DELE1: variants seen among roughly 807,000 people sequenced by gnomAD.
DELE1 encodes death ligand signal enhancer.
In DELE1, 54 loss-of-function variants were observed where a neutral mutation model predicts 59.3. That is an observed-to-expected ratio of 0.91 (90% CI 0.73 to 1.14). The LOEUF is 1.14. DELE1 is among the 50% of genes most tolerant of loss of function. The pLI, the probability that DELE1 is intolerant of heterozygous loss-of-function variation, is 0.00. For missense variants in DELE1, 636 were observed against 643.9 expected (o/e 0.99, Z 0.13); for synonymous variants, 264 against 259.1 (o/e 1.02, Z -0.18).
intron 10 of DELE1, among the ~76,000 whole-genome samples, chr5:141,935,760 A>G (rs1469302050): frequency 1.3e-5 from 2 of 152,252 alleles, no homozygotes; most frequent in African/African-American, 4.8e-5. Context: ...TAATCAGACC[A>G]GCGTGCTAGC....
At chr5:141,926,694 A>T (rs1346842096) in intron 3 of DELE1, among the ~76,000 whole-genome samples, 2 of 152,352 alleles carry the variant, frequency 1.3e-5, no homozygotes, top group East Asian at 1.9e-4. Context: ...TGAGCCTGGG[A>T]TGTCTCCATG....
intron 5 of DELE1, 82 bp from the exon 6 acceptor site, chr5:141,929,907 G>T (rs1596599702): frequency 2.0e-6 from 3 of 1,536,742 alleles, no homozygotes; most frequent in East Asian, 4.5e-5. Flanking sequence ...TGGCTGGAAA[G>T]CCTGGGTAGA....
At chr5:141,924,067 C>A in intron 1 of DELE1, 95 bp downstream of exon 1, 1 of 1,504,622 alleles carries the variant, frequency 6.6e-7, no homozygotes, top group Non-Finnish European at 9.1e-7. Flanking sequence ...CGATCGTGGG[C>A]CGGGTTAGAG....
In DELE1 at chr5:141,940,818, C is replaced by T. The variant is rs1752694837; in HGVS notation, c.*2059C>T. ...ATGCAGGGTAGGAAACCTGAGGTTT[C>T]AAGCTCAGGGTTTTAAGCTGTGCAG... is the stretch of plus-strand genomic sequence containing the variant. On this transcript the variant is annotated 3_prime_UTR_variant, in exon 12 of 12. Coordinates refer to ENST00000432126, the MANE Select transcript of DELE1 (RefSeq NM_014773.5). 1 of 985,410 alleles carries T rather than the reference C, an allele frequency of 1.0e-6. No individual in the cohort carries two copies. The highest frequency in any genetic ancestry group is 5.2e-4 in the Middle Eastern group (1 of 1,914). 61.0% of individuals were successfully genotyped at this position (985,410 alleles called of 1,614,324 possible).
In DELE1 at chr5:141,938,692, C is replaced by T. The variant is rs1229387287; in HGVS notation, c.1481C>T (p.Ser494Phe). Residue 494 changes from serine (S) to phenylalanine (F), a missense_variant, in exon 12 of 12, where the codon TCC (serine) becomes TTC (phenylalanine). Ser to Phe is a radical substitution (Grantham distance 155). Transcript: ENST00000432126. ...SGHLGASLEA[S>F]SRAIPPHPYP... is the part of the protein sequence containing the mutation. ...CATCTCGGAGCCAGCCTGGAAGCCT[C>T]CAGCAGGGCTATTCCCCCACACCCC... 1 of 1,614,116 alleles carries T rather than the reference C, an allele frequency of 6.2e-7. No homozygotes were observed. The highest frequency in any genetic ancestry group is 1.7e-5 in the Admixed American group (1 of 60,020).
At chr5:141,925,778 G>A (rs1013507793) in intron 3 of DELE1, among the ~76,000 whole-genome samples, 2 of 152,166 alleles carry the variant, frequency 1.3e-5, no homozygotes, top group African/African-American at 4.8e-5. Context: ...AGTCACTACG[G>A]ACATAGCAGA....
In DELE1 at chr5:141,940,533, C is replaced by T; in HGVS notation, c.*1774C>T. 1.0e-6 allele frequency: 1 copy of T among 985,482 alleles called. No individual in the cohort carries two copies. Among genetic ancestry groups the T allele is most frequent in the Non-Finnish European group, 1.2e-6 (1 of 829,970 alleles). 61.0% of individuals were successfully genotyped at this position (985,482 alleles called of 1,614,324 possible). Reference sequence around the variant, plus strand: ...AGGGGGGAAAGTTGTCCACGTTTCCCTCTCTGCTTCCCACCCCATCTCTCT... The same window carrying T: ...AGGGGGGAAAGTTGTCCACGTTTCCTTCTCTGCTTCCCACCCCATCTCTCT... On this transcript the variant is annotated 3_prime_UTR_variant, in exon 12 of 12. Coordinates refer to ENST00000432126, the MANE Select transcript of DELE1 (RefSeq NM_014773.5).
At position 141,941,315 on chromosome 5, in the gene DELE1, A is replaced by G. The variant is rs893162706; in HGVS notation, c.*2556A>G. 2.1e-5 allele frequency: 21 copies of G among 985,408 alleles called. No individual in the cohort carries two copies. The African/African-American group carries it at 3.0e-4, about 14-fold the overall frequency. The allele number at this position is 985,408 out of a possible 1,614,324, so 61.0% of individuals were successfully genotyped here. A position where few individuals can be genotyped will look rare whatever the true frequency, so the allele number is the denominator to read the frequency against. On this transcript the variant is annotated 3_prime_UTR_variant, in exon 12 of 12. Transcript: ENST00000432126. ...AGTACTGATTCAATTTGGGGTGCCA[A>G]AGGTTGGGGGTAGGATATTTTTAAG... is the stretch of plus-strand genomic sequence containing the variant.
intron 5 of DELE1, 122 bp from the exon 6 acceptor site, chr5:141,929,867 C>G (rs1751755834): frequency 6.7e-7 from 1 of 1,502,988 alleles, no homozygotes; most frequent in African/African-American, 1.4e-5. Flanking sequence ...TGAGGTGATT[C>G]AGGGTTATTT....
chr5:141,925,631 C>A, intron 3 of DELE1, 104 bp downstream of exon 3: 1 of 617,804 alleles, frequency 1.6e-6, no homozygotes, highest in Non-Finnish European at 2.7e-6. Flanking sequence ...TCACTGTGTC[C>A]ATTTAACAAG....
chr5:141,934,454 G>A, intron 9 of DELE1, 40 bp from the exon 10 acceptor site: 1 of 1,614,220 alleles, frequency 6.2e-7, no homozygotes, highest in Non-Finnish European at 8.5e-7. Flanking sequence ...GAGCCTGAAA[G>A]TGACCAAGAT....
Position 141,924,641 on chromosome 5 carries a change from A to G in DELE1, c.92A>G (p.Asp31Gly). 9 of 1,614,124 alleles carry G rather than the reference A, an allele frequency of 5.6e-6. No individual in the cohort carries two copies. Among genetic ancestry groups the G allele is most frequent in the Non-Finnish European group, 7.6e-6 (9 of 1,180,000 alleles). ...GTGACTCCTAAGTCCACCAGCCCAGATGGGCCTCAGACTACCTCCTCCACT... is the reference window on the plus strand; with the variant it reads ...GTGACTCCTAAGTCCACCAGCCCAGGTGGGCCTCAGACTACCTCCTCCACT... Reference protein sequence around the residue: ...WRVTPKSTSPDGPQTTSSTLL... With the variant: ...WRVTPKSTSPGGPQTTSSTLL... The change falls in exon 2 of 12, where the codon GAT becomes GGT. Residue 31 changes from aspartate to glycine, a missense_variant. Physicochemically the swap from Asp to Gly is moderately conservative, Grantham distance 94. Coordinates refer to ENST00000432126, the MANE Select transcript of DELE1 (RefSeq NM_014773.5).
rs975380320 is a variant in DELE1, at chr5:141,940,798, G to A, written c.*2039G>A. 10 of 985,358 alleles carry A rather than the reference G, an allele frequency of 1.0e-5. No individual in the cohort carries two copies. Among genetic ancestry groups the A allele is most frequent in the Non-Finnish European group, 1.1e-5 (9 of 829,856 alleles). The allele number at this position is 985,358 out of a possible 1,614,324, so 61.0% of individuals were successfully genotyped here. A position where few individuals can be genotyped will look rare whatever the true frequency, so the allele number is the denominator to read the frequency against. On this transcript the variant is annotated 3_prime_UTR_variant, in exon 12 of 12. Transcript: ENST00000432126. ...AGCACTGAGTGCAAGGCCCCATGCAGGGTAGGAAACCTGAGGTTTCAAGCT... is the reference window on the plus strand; with the variant it reads ...AGCACTGAGTGCAAGGCCCCATGCAAGGTAGGAAACCTGAGGTTTCAAGCT...
intron 7 of DELE1, among the ~76,000 whole-genome samples, chr5:141,932,244 C>T (rs977818078): frequency 4.6e-5 from 7 of 152,124 alleles, no homozygotes; most frequent in African/African-American, 1.4e-4. Context: ...GAGAATTGGC[C>T]GTGCCCTCAT....
Position 141,933,301 on chromosome 5 carries a change from C to A in DELE1, c.797C>A (p.Ser266Tyr). Residue 266 changes from serine (S) to tyrosine (Y), a missense_variant, in exon 8 of 12, where the codon TCT becomes TAT. By Grantham distance (144) the Ser-to-Tyr change is moderately radical. Transcript: ENST00000432126. ...MKSGDHTAAF[S>Y]YFQKAAARGY... ...AGTGGCGACCACACGGCAGCCTTTT[C>A]TTACTTCCAGAAAGCTGCAGCCCGC... 1 of 1,570,360 alleles carries A rather than the reference C, an allele frequency of 6.4e-7. No homozygotes were observed. The highest frequency in any genetic ancestry group is 8.7e-7 in the Non-Finnish European group (1 of 1,148,592).
chr5:141,925,799 G>A (rs1751356367), intron 3 of DELE1, among the ~76,000 whole-genome samples: 1 of 152,138 alleles, frequency 6.6e-6, no homozygotes, highest in Non-Finnish European at 1.5e-5. Flanking sequence ...GAACAAGATA[G>A]ATACATTCTT....
intron 4 of DELE1, 31 bp from the exon 5 acceptor site, chr5:141,929,551 A>T: frequency 6.2e-7 from 1 of 1,608,992 alleles, no homozygotes; most frequent in Non-Finnish European, 8.5e-7. Flanking sequence ...CGCCTGGCCC[A>T]GACCTGACTA....
In DELE1 at chr5:141,931,345, C is replaced by G. The variant is rs528698984; in HGVS notation, c.754+1071C>G. The G allele has an allele frequency of 3.3e-5, 5 of 152,350 alleles. No individual in the cohort carries two copies. In the East Asian group the frequency reaches 9.6e-4, roughly 29 times the overall value. The allele number at this position is 152,350 out of a possible 1,614,324, so 9.4% of individuals were successfully genotyped here. ...AAGGAGATAAAGCCAGAAAAGCAGG[C>G]AGGGGTCAGATCAGGTGAGGTCTTC... is the stretch of plus-strand genomic sequence containing the variant. On this transcript the variant is annotated intron_variant, in intron 7 of 11. Coordinates refer to ENST00000432126, the MANE Select transcript of DELE1 (RefSeq NM_014773.5).
Position 141,934,311 on chromosome 5 carries a change from A to G in DELE1, c.969A>G (p.Leu323=), listed in dbSNP as rs182617457. The part of the protein sequence containing the change: ...SLAQYRYARC[L]LRDPASSWNP... ...CTCAGTACCGCTATGCCAGGTGCCT[A>G]CTACGAGACCCAGCCTCTTCGTGGA... Residue 323 remains leucine (L), a synonymous_variant, in exon 9 of 12, where the codon CTA becomes CTG. Transcript: ENST00000432126. 1.4e-5 allele frequency: 22 copies of G among 1,614,164 alleles called. No homozygotes were observed. The highest frequency in any genetic ancestry group is 1.7e-4 in the Middle Eastern group (1 of 6,026).
Sources: allele counts gnomAD v4.1 joint callset (sites outside exome capture counted in the v4.1 genomes callset), GRCh38; gene constraint gnomAD v4.1.1; transcripts MANE v1.5; gene names NCBI Gene and HGNC (gene_info 2026-07-23, HGNC 2026-07-21).